DAB1: variants seen among roughly 807,000 people sequenced by gnomAD.
The protein encoded by DAB1 is DAB adaptor protein 1.
In DAB1, 15 loss-of-function variants were observed where a neutral mutation model predicts 64.6. That is an observed-to-expected ratio of 0.23 (90% confidence interval 0.16 to 0.36). The LOEUF (loss-of-function observed/expected upper bound fraction) is 0.36, where lower values mean the gene tolerates loss of function less well. DAB1 is among the 10% of genes least tolerant of loss of function. DAB1 has a pLI of 1.00. For missense variants in DAB1, 596 were observed against 706.7 expected (o/e 0.84, Z 1.78); for synonymous variants, 235 against 251.9 (o/e 0.93, Z 0.64).
At chr1:58,460,315 C>T (rs1233952036) in intron 3 of DAB1, among the ~76,000 whole-genome samples, 1 of 152,178 alleles carries the variant, frequency 6.6e-6, no homozygotes, top group African/African-American at 2.4e-5. Flanking sequence ...ACACGTGGGA[C>T]TGGGCAGGGA....
intron 5 of DAB1, among the ~76,000 whole-genome samples, chr1:58,053,406 G>A (rs527655190): frequency 3.9e-5 from 6 of 152,254 alleles, no homozygotes; most frequent in East Asian, 3.9e-4. Flanking sequence ...GAGATGGCAT[G>A]GTGAAAGAGG....
chr1:57,170,579 A>G (rs1361150694), intron 2 of DAB1, among the ~76,000 whole-genome samples: 1 of 152,140 alleles, frequency 6.6e-6, no homozygotes. Flanking sequence ...AGATTCAGGG[A>G]GGTGCAGGGG....
At chr1:58,479,035 T>A (rs575240412) in intron 3 of DAB1, among the ~76,000 whole-genome samples, 22 of 152,296 alleles carry the variant, frequency 1.4e-4, no homozygotes, top group African/African-American at 5.1e-4. Flanking sequence ...TTAAAAAAAA[T>A]CTTTTTCATA....
At chr1:58,096,908 T>C (rs548733128) in intron 5 of DAB1, among the ~76,000 whole-genome samples, 32 of 152,368 alleles carry the variant, frequency 2.1e-4, no homozygotes, top group Middle Eastern at 3.4e-3. Context: ...ATTGTGTTTG[T>C]ACAACTTTCA....
intron 1 of DAB1, among the ~76,000 whole-genome samples, chr1:57,847,813 T>C (rs958158080): frequency 3.3e-5 from 5 of 152,164 alleles, no homozygotes; most frequent in Admixed American, 6.6e-5. Context: ...AGAATACTAT[T>C]ATTAGTAAGT....
At chr1:58,125,628 C>T (rs1000011750) in intron 5 of DAB1, among the ~76,000 whole-genome samples, 5 of 151,754 alleles carry the variant, frequency 3.3e-5, no homozygotes, top group East Asian at 1.9e-4. Flanking sequence ...AAATGTTTTG[C>T]GGAGACAAGG....
chr1:58,222,390 G>C (rs913141746), intron 4 of DAB1, among the ~76,000 whole-genome samples: 33 of 152,258 alleles, frequency 2.2e-4, no homozygotes, highest in African/African-American at 7.9e-4. Context: ...ATTGCACCAA[G>C]CCTGGGGCTT....
intron 2 of DAB1, among the ~76,000 whole-genome samples, chr1:57,186,867 AACTGAATAACAG>A (rs1025967916): frequency 1.1e-4 from 17 of 152,186 alleles, no homozygotes; most frequent in South Asian, 2.1e-4. Flanking sequence ...TATGCTCTGT[AACTGAATAACAG>A]ACTGGCAACT....
At chr1:57,457,951 A>C (rs1392331471) in intron 7 of DAB1, among the ~76,000 whole-genome samples, 1 of 152,154 alleles carries the variant, frequency 6.6e-6, no homozygotes, top group African/African-American at 2.4e-5. Context: ...ATGACAGCCA[A>C]TTTGGGCCTA....
At chr1:57,488,655 A>G (rs1487713411) in intron 7 of DAB1, among the ~76,000 whole-genome samples, 2 of 151,986 alleles carry the variant, frequency 1.3e-5, no homozygotes, top group African/African-American at 4.8e-5. Flanking sequence ...CAGCCTGGGC[A>G]ACAAGAGTGC....
In DAB1 at chr1:56,994,943, T is replaced by C. The variant is rs1645564446; in HGVS notation, c.*3201A>G. 1 of 152,330 alleles carries C rather than the reference T, an allele frequency of 6.6e-6. No individual in the cohort carries two copies. The highest frequency in any genetic ancestry group is 6.5e-5 in the Admixed American group (1 of 15,284). The allele number at this position is 152,330 out of a possible 1,614,324, so 9.4% of individuals were successfully genotyped here. A position where few individuals can be genotyped will look rare whatever the true frequency, so the allele number is the denominator to read the frequency against. On this transcript the variant is annotated 3_prime_UTR_variant, in exon 15 of 15. Transcript: ENST00000371236. Reference sequence around the variant, plus strand: ...ACTGTCATCTGAGGTAAAGTTAAAGTAGGTCTAGAAAGGTACTGCAACAGT... The same window carrying C: ...ACTGTCATCTGAGGTAAAGTTAAAGCAGGTCTAGAAAGGTACTGCAACAGT...
chr1:57,395,175 C>T (rs1570441352), intron 1 of DAB1, among the ~76,000 whole-genome samples: 3 of 152,094 alleles, frequency 2.0e-5, no homozygotes, highest in Admixed American at 6.6e-5. Context: ...CAGGTGTGTG[C>T]GACCACGCTC....
chr1:58,172,486 A>G (rs1656230568), intron 4 of DAB1, among the ~76,000 whole-genome samples: 1 of 152,206 alleles, frequency 6.6e-6, no homozygotes, highest in Admixed American at 6.5e-5. Flanking sequence ...GCCTACTTAG[A>G]TACTAGGTGC....
chr1:57,777,763 T>A lies in DAB1; in HGVS notation n.551+106236A>T, dbSNP rs933396362. Reference sequence around the variant, plus strand: ...CTGCCATTTGTTGATCTATAACTATTTACTGACTTAATTTTTTCTGATTTT... The same window carrying A: ...CTGCCATTTGTTGATCTATAACTATATACTGACTTAATTTTTTCTGATTTT... On this transcript the variant is annotated intron_variant and non_coding_transcript_variant, in intron 6 of 20. Transcript: ENST00000485760. Among the ~76,000 whole-genome samples, 4 of 152,082 alleles carry A rather than the reference T, an allele frequency of 2.6e-5. No homozygotes were observed. The East Asian group carries it at 7.7e-4, about 29-fold the overall frequency.
intron 5 of DAB1, among the ~76,000 whole-genome samples, chr1:57,952,253 T>C (rs545064900): frequency 1.7e-4 from 26 of 152,274 alleles, no homozygotes; most frequent in African/African-American, 5.3e-4. Context: ...CTCTTGAGGA[T>C]TGGCATGGGA....
chr1:57,596,745 A>T (rs1645514784), intron 7 of DAB1, among the ~76,000 whole-genome samples: 1 of 152,232 alleles, frequency 6.6e-6, no homozygotes, highest in Non-Finnish European at 1.5e-5. Flanking sequence ...GTGGGCTCTT[A>T]AAAGGCTGAA....
chr1:58,488,524 T>C (rs1035564926), intron 3 of DAB1, among the ~76,000 whole-genome samples: 1 of 152,174 alleles, frequency 6.6e-6, no homozygotes, highest in Non-Finnish European at 1.5e-5. Flanking sequence ...CGATCTCAGA[T>C]CACTGCAACC....
intron 6 of DAB1, among the ~76,000 whole-genome samples, chr1:57,773,344 TACACACAC>T (rs60059518): frequency 6.8e-6 from 1 of 147,570 alleles, no homozygotes; most frequent in Non-Finnish European, 1.5e-5. Context: ...TTGAGTTGTA[TACACACAC>T]ACACACACAC....
chr1:57,118,090 A>T (rs1656301862), intron 4 of DAB1, among the ~76,000 whole-genome samples: 1 of 152,254 alleles, frequency 6.6e-6, no homozygotes, highest in Non-Finnish European at 1.5e-5. Context: ...ACATATAGGT[A>T]TAAGCATATA....
Sources: allele counts gnomAD v4.1 joint callset (sites outside exome capture counted in the v4.1 genomes callset), GRCh38; gene constraint gnomAD v4.1.1; transcripts MANE v1.5; gene names NCBI Gene and HGNC (gene_info 2026-07-23, HGNC 2026-07-21).